Variants in ORC5 observed in about 807,000 individuals in gnomAD.
ORC5 encodes protein phosphatase 1, regulatory subunit 117.
Under a neutral mutation model 58.8 loss-of-function variants are expected in ORC5, and 39 were observed. That is an observed-to-expected ratio of 0.66 (90% CI 0.51 to 0.87). The LOEUF is 0.87. ORC5 is among the 40% of genes least tolerant of loss of function. ORC5 has a pLI of 0.00. For synonymous variants in ORC5, 218 were observed against 177.6 expected (o/e 1.23, Z -1.81); for missense variants, 493 against 506.3 (o/e 0.97, Z 0.25).
At chr7:104,183,921 T>C in intron 8 of ORC5, 22 bp downstream of exon 8, 2 of 1,452,482 alleles carry the variant, frequency 1.4e-6, no homozygotes, top group South Asian at 2.3e-5. Flanking sequence ...AAAACTAGTA[T>C]GCATACTAAA....
intron 5 of ORC5, among the ~76,000 whole-genome samples, chr7:104,188,773 G>A (rs940949656): frequency 6.6e-6 from 1 of 152,102 alleles, no homozygotes; most frequent in Non-Finnish European, 1.5e-5. Flanking sequence ...AGTGGAGGAG[G>A]GGCCTCGTGG....
intron 12 of ORC5, among the ~76,000 whole-genome samples, chr7:104,153,563 A>ATAACTT: frequency 6.6e-6 from 1 of 152,324 alleles, no homozygotes; most frequent in African/African-American, 2.4e-5. Flanking sequence ...TATGATTTAC[A>ATAACTT]TAACTTACCT....
rs914482359 is a variant in ORC5 at position 104,188,276 on chromosome 7, C to T, written c.659G>A (p.Arg220Gln). The T allele has an allele frequency of 3.7e-6, 6 of 1,612,184 alleles. No homozygotes were observed. The highest frequency in any genetic ancestry group is 2.7e-5 in the African/African-American group (2 of 74,682). Residue 220 changes from arginine to glutamine, a missense_variant, in exon 6 of 14, where the codon CGA becomes CAA. Physicochemically the swap from Arg to Gln is conservative, Grantham distance 43 (BLOSUM62 1). Coordinates refer to ENST00000297431, the MANE Select transcript of ORC5 (RefSeq NM_002553.4). The stretch of plus-strand genomic sequence containing the variant: ...CAGATGTCTGAGCTCTTTCAAATCT[C>T]GACAAACAGTGTAGAAAACTCCAAG... ...ILLGVFYTVC[R>Q]DLKELRHLAV... is the part of the protein sequence containing the mutation.
At chr7:104,173,046 C>T (rs1487804847) in intron 8 of ORC5, among the ~76,000 whole-genome samples, 1 of 150,336 alleles carries the variant, frequency 6.7e-6, no homozygotes, top group Non-Finnish European at 1.5e-5. Flanking sequence ...GTGCTAAAAC[C>T]CCCAACAAGT....
chr7:104,188,217 C>CAT (rs1554355940), intron 6 of ORC5, 34 bp downstream of exon 6: 14,449 of 1,165,752 alleles, frequency 0.012, 60 homozygotes, highest in East Asian at 0.017. Context: ...CACACACACA[C>CAT]ATATATATAT....
At chr7:104,188,158 T>C in intron 6 of ORC5, 93 bp downstream of exon 6, 5 of 1,020,694 alleles carry the variant, frequency 4.9e-6, no homozygotes, top group East Asian at 2.7e-5. Context: ...CATTTCTACA[T>C]GGAAAACATT....
chr7:104,166,857 A>T lies in ORC5; in HGVS notation c.905T>A (p.Leu302His). Residue 302 changes from leucine to histidine, a missense_variant, in exon 10 of 14, where the codon CTT (leucine) becomes CAT (histidine). Around this residue, in one of 3 missense-constraint regions of ORC5, gnomAD observed 412 missense variants for 403.7 expected, o/e 1.02. Coordinates refer to ENST00000297431, the MANE Select transcript of ORC5 (RefSeq NM_002553.4). ...KGLSAHTHVE[L>H]PYYSKFILIA... ...TAGAATGAACTTAGAGTAATATGGA[A>T]GTTCCACATGAGTATGCGCTGAGAG... 6.2e-7 allele frequency: 1 copy of T among 1,610,642 alleles called. No individual in the cohort carries two copies. Among genetic ancestry groups the T allele is most frequent in the Non-Finnish European group, 8.5e-7 (1 of 1,177,058 alleles).
At chr7:104,193,386 C>T (rs1442200194) in intron 5 of ORC5, among the ~76,000 whole-genome samples, 1 of 151,960 alleles carries the variant, frequency 6.6e-6, no homozygotes, top group East Asian at 1.9e-4. Flanking sequence ...TCTATCCAAA[C>T]TGACACAATA....
rs373588806 is a variant in ORC5 at position 104,136,704 on chromosome 7, C to T, written c.1262+77G>A. On this transcript the variant is annotated intron_variant, in intron 13 of 13. Transcript: ENST00000297431. This position sits in a 1 kb window ranked among gnomAD's most constrained non-coding sequence, Gnocchi z 4.2. ...AGATGATTTTTTCATGTTTAAATGT[C>T]ATGACTAATGACATCACATTTGGAA... The T allele has an allele frequency of 4.5e-6, 4 of 896,696 alleles. No homozygotes were observed. The highest frequency in any genetic ancestry group is 5.1e-5 in the East Asian group (2 of 39,258). The allele number at this position is 896,696 out of a possible 1,614,324, so 55.5% of individuals were successfully genotyped here. A position where few individuals can be genotyped will look rare whatever the true frequency, so the allele number is the denominator to read the frequency against.
Position 104,136,886 on chromosome 7 carries a change from G to C in ORC5, c.1157C>G (p.Ser386Cys), listed in dbSNP as rs1222239342. 6.2e-7 allele frequency: 1 copy of C among 1,609,706 alleles called. No homozygotes were observed. Among genetic ancestry groups the C allele is most frequent in the South Asian group, 1.1e-5 (1 of 90,960 alleles). ...PTANIFSQIT[S>C]LVTLQLLTLV... ...GGTTAACAGCTGAAGGGTCACTAGA[G>C]AGGTAATCTAAAAGAGAACATTTTT... Residue 386 changes from serine (S) to cysteine (C), a missense_variant, in exon 13 of 14, where the codon TCT becomes TGT. Coordinates refer to ENST00000297431, the MANE Select transcript of ORC5 (RefSeq NM_002553.4). The surrounding 1 kb of genome is among the most constrained non-coding windows in gnomAD (Gnocchi z 4.2).
At chr7:104,165,346 A>G (rs752863658) in intron 10 of ORC5, 64 bp from the exon 11 acceptor site, 11 of 935,118 alleles carry the variant, frequency 1.2e-5, no homozygotes, top group African/African-American at 8.3e-5. Flanking sequence ...AGAAAACGTT[A>G]TTTATTTAAA....
At chr7:104,142,045 C>T (rs1237823259) in intron 12 of ORC5, among the ~76,000 whole-genome samples, 2 of 152,008 alleles carry the variant, frequency 1.3e-5, no homozygotes, top group African/African-American at 4.8e-5. Context: ...TAAAAACAGA[C>T]ACACAGATCC....
intron 5 of ORC5, among the ~76,000 whole-genome samples, chr7:104,194,051 G>A (rs918918806): frequency 6.7e-6 from 1 of 149,248 alleles, no homozygotes; most frequent in South Asian, 2.1e-4. Context: ...TACTTAAAAT[G>A]GGTCATGAAA....
chr7:104,200,108 C>T (rs1470219775), intron 3 of ORC5, among the ~76,000 whole-genome samples: 2 of 152,216 alleles, frequency 1.3e-5, no homozygotes, highest in African/African-American at 2.4e-5. Flanking sequence ...TCAATTAAAT[C>T]TCTTTCCTTT....
chr7:104,135,928 A>T (rs2115747916), intron 13 of ORC5, among the ~76,000 whole-genome samples: 1 of 152,156 alleles, frequency 6.6e-6, no homozygotes, highest in Middle Eastern at 3.4e-3. Flanking sequence ...CACACTCATC[A>T]CCTCTTCCAT....
chr7:104,157,944 C>A (rs1276596937), intron 12 of ORC5, among the ~76,000 whole-genome samples: 1 of 152,062 alleles, frequency 6.6e-6, no homozygotes, highest in Admixed American at 6.6e-5. Flanking sequence ...ATCATATTAA[C>A]CTTTCTTTCT....
At chr7:104,150,614 T>C (rs927269184) in intron 12 of ORC5, among the ~76,000 whole-genome samples, 11 of 152,052 alleles carry the variant, frequency 7.2e-5, no homozygotes, top group African/African-American at 2.4e-4. Flanking sequence ...GTAGCATGTA[T>C]GTTTATACAC....
intron 12 of ORC5, among the ~76,000 whole-genome samples, chr7:104,147,397 T>A (rs982632329): frequency 6.6e-6 from 1 of 152,200 alleles, no homozygotes; most frequent in Non-Finnish European, 1.5e-5. Flanking sequence ...TCTTACTTTA[T>A]ATATTTTTGA....
intron 8 of ORC5, among the ~76,000 whole-genome samples, chr7:104,174,588 G>C (rs946753227): frequency 1.3e-5 from 2 of 152,124 alleles, no homozygotes; most frequent in African/African-American, 2.4e-5. Context: ...AACAGCAGGC[G>C]ACCCTAGGGT....
Sources: allele counts gnomAD v4.1 joint callset (sites outside exome capture counted in the v4.1 genomes callset), GRCh38; gene constraint gnomAD v4.1.1; regional missense constraint gnomAD v4.1.1; non-coding constraint Gnocchi (gnomAD v3.1); transcripts MANE v1.5; gene names NCBI Gene and HGNC (gene_info 2026-07-23, HGNC 2026-07-21).